PUM2: variants seen among roughly 807,000 people sequenced by gnomAD.
PUM2 encodes the protein pumilio homolog 2.
Under a neutral mutation model 124.5 loss-of-function variants are expected in PUM2, and 57 were observed. The observed-to-expected ratio is 0.46, with a 90% confidence interval of 0.37 to 0.57. The LOEUF is 0.57. Ranked by LOEUF, PUM2 falls within the 20% of genes least tolerant of loss-of-function variation. PUM2 has a pLI of 0.00. For missense variants in PUM2, 1,065 were observed against 1,290.6 expected (o/e 0.83, Z 2.68); for synonymous variants, 460 against 446.1 (o/e 1.03, Z -0.39).
In PUM2 at chr2:20,263,237, C is replaced by T. The variant is rs1403904124; in HGVS notation, c.2181G>A (p.Leu727=). The T allele has an allele frequency of 6.2e-7, 1 of 1,605,548 alleles. No individual in the cohort carries two copies. The highest frequency in any genetic ancestry group is 1.1e-5 in the South Asian group (1 of 90,868). ...GAGAAAACTCAACTATATGTCCAATCAAGTCTCTAAGCTGAAGGTTTGGGA... is the reference window on the plus strand; with the variant it reads ...GAGAAAACTCAACTATATGTCCAATTAAGTCTCTAAGCTGAAGGTTTGGGA... ...NRFPNLQLRD[L]IGHIVEFSQD... The change falls in exon 14 of 21, where the codon TTG becomes TTA. Residue 727 remains leucine (L), a synonymous_variant. Coordinates refer to ENST00000361078, the MANE Select transcript of PUM2 (RefSeq NM_015317.5).
Position 20,312,207 on chromosome 2 carries a change from TTAAATATTTCTTTATTCAA to T in PUM2, c.348+10_348+28del, listed in dbSNP as rs1679766253. 1.3e-6 allele frequency: 2 copies of T among 1,524,796 alleles called. No individual in the cohort carries two copies. The highest frequency in any genetic ancestry group is 1.4e-5 in the African/African-American group (1 of 71,670). 94.5% of individuals were successfully genotyped at this position (1,524,796 alleles called of 1,614,324 possible). ...TAACCAAATAACTCTCAAGCAAATA[TTAAATATTTCTTTATTCAA>T]AATACTTACAAAATTTCCCTTCCTA... On this transcript the variant is annotated intron_variant, in intron 4 of 20. Coordinates refer to ENST00000361078, the MANE Select transcript of PUM2 (RefSeq NM_015317.5).
intron 16 of PUM2, among the ~76,000 whole-genome samples, chr2:20,257,959 T>C (rs568506715): frequency 6.6e-6 from 1 of 152,212 alleles, no homozygotes; most frequent in African/African-American, 2.4e-5. Flanking sequence ...AATAGTAACA[T>C]GCATTCTCAC....
chr2:20,344,635 T>C (rs1277065062), intron 1 of PUM2, among the ~76,000 whole-genome samples: 1 of 152,120 alleles, frequency 6.6e-6, no homozygotes, highest in Non-Finnish European at 1.5e-5. Flanking sequence ...TATTAATCCC[T>C]CTGGCTGAAT....
At chr2:20,327,477 T>A in intron 1 of PUM2, 99 bp from the exon 2 acceptor site, 1 of 727,564 alleles carries the variant, frequency 1.4e-6, no homozygotes, top group Non-Finnish European at 2.2e-6. Context: ...AATATTAGCA[T>A]GATCTGAGAA....
intron 13 of PUM2, among the ~76,000 whole-genome samples, chr2:20,275,056 AG>A (rs1669935154): frequency 6.7e-6 from 1 of 148,786 alleles, no homozygotes; most frequent in Non-Finnish European, 1.5e-5. Context: ...ATACAACATG[AG>A]AAAATAACTC....
intron 2 of PUM2, among the ~76,000 whole-genome samples, chr2:20,325,299 C>T (rs554568093): frequency 6.6e-6 from 1 of 152,344 alleles, no homozygotes; most frequent in East Asian, 1.9e-4. Flanking sequence ...TACAGATACA[C>T]TGACATGCTG....
intron 1 of PUM2, among the ~76,000 whole-genome samples, chr2:20,336,121 T>C (rs1458888296): frequency 6.6e-6 from 1 of 152,196 alleles, no homozygotes; most frequent in South Asian, 2.1e-4. Flanking sequence ...GTCAAATAAT[T>C]TAGATGGAAA....
At chr2:20,252,961 G>A (rs772421986) in intron 20 of PUM2, among the ~76,000 whole-genome samples, 13 of 152,126 alleles carry the variant, frequency 8.5e-5, no homozygotes, top group Non-Finnish European at 1.8e-4. Flanking sequence ...ATTAGGTATC[G>A]TTAAGTAATC....
In PUM2 at chr2:20,282,984, A is replaced by G; in HGVS notation, c.1683T>C (p.Ala561=). Residue 561 remains alanine, a synonymous_variant, in exon 12 of 21, where the codon GCT becomes GCC. Coordinates refer to ENST00000361078, the MANE Select transcript of PUM2 (RefSeq NM_015317.5). ...ATCCACTGAGGGCTGAGCCTATAGCAGCACCCAAAGAGTTACCACTTCCAA... is the reference window on the plus strand; with the variant it reads ...ATCCACTGAGGGCTGAGCCTATAGCGGCACCCAAAGAGTTACCACTTCCAA... The part of the protein sequence containing the change: ...LGFGSGNSLG[A]AIGSALSGFG... The G allele has an allele frequency of 6.2e-7, 1 of 1,614,134 alleles. No individual in the cohort carries two copies. The highest frequency in any genetic ancestry group is 1.1e-5 in the South Asian group (1 of 91,088).
At position 20,255,549 on chromosome 2, in the gene PUM2, A is replaced by G. The variant is rs142196383; in HGVS notation, c.2623-208T>C. ...GGAGCACTCCATTTAGGAGCTGAAG[A>G]TATTTTGATCAAAAGGAACCTAACC... On this transcript the variant is annotated intron_variant, in intron 17 of 20. Coordinates refer to ENST00000361078, the MANE Select transcript of PUM2 (RefSeq NM_015317.5). Among the ~76,000 whole-genome samples the G allele has an allele frequency of 4.3e-3, 659 of 152,278 alleles. 1 individual carries two copies. The highest frequency in any genetic ancestry group is 6.4e-3 in the Non-Finnish European group (435 of 68,008).
intron 16 of PUM2, among the ~76,000 whole-genome samples, chr2:20,257,043 C>CAAAAAAAAAAAAAAAAA (rs58072146): frequency 7.0e-5 from 5 of 71,798 alleles, no homozygotes; most frequent in South Asian, 5.5e-4. Context: ...GATTCCGTCT[C>CAAAAAAAAAAAAAAAAA]AAAAAAAAAA....
chr2:20,315,961 C>A (rs995922938), intron 3 of PUM2, among the ~76,000 whole-genome samples: 9 of 151,844 alleles, frequency 5.9e-5, no homozygotes, highest in Non-Finnish European at 1.3e-4. Context: ...AACCAAGTTA[C>A]CAAGCACACA....
intron 8 of PUM2, 57 bp downstream of exon 8, chr2:20,297,496 C>A: frequency 3.6e-6 from 5 of 1,393,910 alleles, no homozygotes; most frequent in South Asian, 3.2e-5. Flanking sequence ...AAGCTTACAC[C>A]CAAAACTAAA....
At position 20,294,418 on chromosome 2, in the gene PUM2, G is replaced by A. The variant is rs1236604859; in HGVS notation, c.1110C>T (p.Ala370=). Residue 370 remains alanine (A), a synonymous_variant, in exon 9 of 21, where the codon GCC becomes GCT. Transcript: ENST00000361078. ...GAGCTTGTGATGCTGCTTGCTGACTGGCTGTGTTATTTGCCGCAGCTGCAG... is the reference window on the plus strand; with the variant it reads ...GAGCTTGTGATGCTGCTTGCTGACTAGCTGTGTTATTTGCCGCAGCTGCAG... ...QQAAAAANNT[A]SQQAASQAQP... 6.2e-7 allele frequency: 1 copy of A among 1,614,144 alleles called. No homozygotes were observed. Among genetic ancestry groups the A allele is most frequent in the Non-Finnish European group, 8.5e-7 (1 of 1,180,028 alleles).
chr2:20,345,739 G>A (rs1688124286), intron 1 of PUM2, among the ~76,000 whole-genome samples: 1 of 152,164 alleles, frequency 6.6e-6, no homozygotes, highest in Admixed American at 6.5e-5. Context: ...GGGCATGGTG[G>A]TGGGCGCCTG....
At chr2:20,348,653 G>A (rs1688710476) in intron 1 of PUM2, among the ~76,000 whole-genome samples, 1 of 152,258 alleles carries the variant, frequency 6.6e-6, no homozygotes, top group African/African-American at 2.4e-5. Flanking sequence ...AAACAAGCCG[G>A]GTGTGGTGGC....
At position 20,262,747 on chromosome 2, in the gene PUM2, G is replaced by A. The variant is rs534247986; in HGVS notation, c.2225+446C>T. 4.3e-4 allele frequency among the ~76,000 whole-genome samples: 65 copies of A among 152,190 alleles called. 1 individual carries two copies. Among genetic ancestry groups the A allele is most frequent in the Middle Eastern group, 3.4e-3 (1 of 294 alleles). Reference sequence around the variant, plus strand: ...GATGTATCTCTCATGTATTACATTCGTTTTAATGTAAAAAGGCACCAAATT... The same window carrying A: ...GATGTATCTCTCATGTATTACATTCATTTTAATGTAAAAAGGCACCAAATT... On this transcript the variant is annotated intron_variant, in intron 14 of 20. Coordinates refer to ENST00000361078, the MANE Select transcript of PUM2 (RefSeq NM_015317.5).
chr2:20,341,758 T>C (rs1225295438), intron 1 of PUM2, among the ~76,000 whole-genome samples: 1 of 152,238 alleles, frequency 6.6e-6, no homozygotes. Flanking sequence ...TTGTCTCACA[T>C]GGCTATCTTA....
intron 13 of PUM2, among the ~76,000 whole-genome samples, chr2:20,268,776 A>G (rs1668327133): frequency 6.6e-6 from 1 of 152,148 alleles, no homozygotes; most frequent in Non-Finnish European, 1.5e-5. Context: ...AATGACTCAA[A>G]TGTGTGGGGC....
Sources: gnomAD v4.1 joint callset for allele counts (sites outside exome capture counted in the v4.1 genomes callset) on GRCh38, gnomAD v4.1.1 for gene constraint, MANE v1.5 for transcripts, NCBI Gene and HGNC (gene_info 2026-07-23, HGNC 2026-07-21) for gene names.